ROBO2: variants seen among roughly 807,000 people sequenced by gnomAD.
The protein encoded by ROBO2 is roundabout homolog 2.
In ROBO2, 53 loss-of-function variants were observed where a neutral mutation model predicts 160.8. The ratio of observed to expected loss-of-function variants is 0.33; its 90% confidence interval spans 0.26 to 0.41. The LOEUF (loss-of-function observed/expected upper bound fraction) is 0.41, where lower values mean the gene tolerates loss of function less well. Among genes scored for constraint, ROBO2 ranks in the 10% least tolerant of loss-of-function variants. The pLI is 1.00. For synonymous variants in ROBO2, 664 were observed against 611.7 expected (o/e 1.09, Z -1.26); for missense variants, 1,577 against 1,722.4 (o/e 0.92, Z 1.49).
chr3:77,476,621 C>T (rs1429471263), intron 2 of ROBO2, among the ~76,000 whole-genome samples: 1 of 152,102 alleles, frequency 6.6e-6, no homozygotes, highest in Non-Finnish European at 1.5e-5. Flanking sequence ...GCCATCTCTC[C>T]AGGCTTTTCA....
chr3:77,207,798 T>G (rs2151071225), intron 2 of ROBO2, among the ~76,000 whole-genome samples: 1 of 152,332 alleles, frequency 6.6e-6, no homozygotes, highest in African/African-American at 2.4e-5. Context: ...TCACTGCATC[T>G]GAGTTTAAAC....
At chr3:77,325,723 G>T (rs574780742) in intron 2 of ROBO2, among the ~76,000 whole-genome samples, 1 of 152,208 alleles carries the variant, frequency 6.6e-6, no homozygotes, top group African/African-American at 2.4e-5. Context: ...TTAAAATTTG[G>T]TTCACATAAA....
intron 2 of ROBO2, among the ~76,000 whole-genome samples, chr3:76,910,735 AAAAAAAAAAG>A (rs1009459238): frequency 3.4e-5 from 5 of 148,772 alleles, no homozygotes; most frequent in African/African-American, 9.9e-5. Flanking sequence ...CAAAAAAAAA[AAAAAAAAAAG>A]AAAAAAAAAG....
At chr3:77,316,519 AC>A (rs1300165943) in intron 2 of ROBO2, among the ~76,000 whole-genome samples, 1 of 152,118 alleles carries the variant, frequency 6.6e-6, no homozygotes, top group Non-Finnish European at 1.5e-5. Flanking sequence ...TTGGCATCTC[AC>A]AGGGGCTACC....
intron 2 of ROBO2, among the ~76,000 whole-genome samples, chr3:76,419,662 A>C (rs947510552): frequency 6.6e-6 from 1 of 152,116 alleles, no homozygotes; most frequent in African/African-American, 2.4e-5. Context: ...AGAGATGTAC[A>C]TTGTCGTGTT....
At position 76,573,154 on chromosome 3, in the gene ROBO2, T is replaced by C. The variant is rs80237972; in HGVS notation, c.110-524860T>C. Among the ~76,000 whole-genome samples the C allele has an allele frequency of 4.3e-3, 658 of 152,254 alleles. 2 individuals carry two copies. The highest frequency in any genetic ancestry group is 8.1e-3 in the Non-Finnish European group (554 of 67,992). ...TTGCTTTTGTGTAGCGAAAAGGGCA[T>C]GGATTTGAGGTCAAATAGATCTGGA... On this transcript the variant is annotated intron_variant, in intron 2 of 26. Transcript: ENST00000487694.
At chr3:77,022,857 A>C (rs961521612) in intron 2 of ROBO2, among the ~76,000 whole-genome samples, 1 of 152,108 alleles carries the variant, frequency 6.6e-6, no homozygotes, top group African/African-American at 2.4e-5. Context: ...AAGAATATTC[A>C]CGTTGTTGTG....
intron 2 of ROBO2, among the ~76,000 whole-genome samples, chr3:76,358,296 G>C (rs1373656782): frequency 1.3e-5 from 2 of 151,864 alleles, no homozygotes; most frequent in East Asian, 3.9e-4. Context: ...TTTCTTACCT[G>C]GTCTTCCATT....
At chr3:76,969,239 G>A (rs1033062312) in intron 2 of ROBO2, among the ~76,000 whole-genome samples, 9 of 152,118 alleles carry the variant, frequency 5.9e-5, no homozygotes, top group African/African-American at 2.2e-4. Context: ...TATAAAAAAA[G>A]TTAAAAGATT....
At chr3:76,365,698 T>C (rs772014839) in intron 2 of ROBO2, among the ~76,000 whole-genome samples, 2 of 152,106 alleles carry the variant, frequency 1.3e-5, no homozygotes, top group Non-Finnish European at 2.9e-5. Flanking sequence ...ATTAGATCCA[T>C]AAAATGTATT....
At chr3:76,127,259 C>T (rs992032965) in intron 2 of ROBO2, among the ~76,000 whole-genome samples, 1 of 152,102 alleles carries the variant, frequency 6.6e-6, no homozygotes, top group Non-Finnish European at 1.5e-5. Flanking sequence ...CTTCTAGAAG[C>T]TGGAAAATTT....
At chr3:76,673,101 G>T (rs1562765) in intron 2 of ROBO2, among the ~76,000 whole-genome samples, 60,119 of 151,914 alleles carry the variant, frequency 0.4, 12,132 homozygotes, top group East Asian at 0.53. Context: ...CTTCTGGTAA[G>T]CTTGTCTGTG....
intron 2 of ROBO2, among the ~76,000 whole-genome samples, chr3:76,088,069 GTAGCTA>G (rs2069090094): frequency 6.6e-6 from 1 of 152,010 alleles, no homozygotes. Flanking sequence ...AGAAAGCAGA[GTAGCTA>G]TATCAATTTC....
intron 2 of ROBO2, among the ~76,000 whole-genome samples, chr3:76,578,205 G>T (rs2085433319): frequency 1.3e-5 from 2 of 152,096 alleles, no homozygotes; most frequent in African/African-American, 2.4e-5. Context: ...ATCTTCATGG[G>T]TGAACACCTG....
At chr3:76,586,412 T>C (rs967871335) in intron 2 of ROBO2, among the ~76,000 whole-genome samples, 2 of 152,236 alleles carry the variant, frequency 1.3e-5, no homozygotes, top group African/African-American at 4.8e-5. Context: ...GCAGGTGGGT[T>C]TTCAGAAATT....
intron 4 of ROBO2, among the ~76,000 whole-genome samples, chr3:77,492,489 A>T (rs2086250736): frequency 6.6e-6 from 1 of 152,192 alleles, no homozygotes; most frequent in Non-Finnish European, 1.5e-5. Flanking sequence ...GATTAATAAA[A>T]GAAGAAAGGA....
chr3:77,595,902 A>G (rs746747928), intron 18 of ROBO2, among the ~76,000 whole-genome samples: 3 of 152,088 alleles, frequency 2.0e-5, no homozygotes, highest in Non-Finnish European at 2.9e-5. Context: ...TAGATGTTCT[A>G]TTTCTGTGTA....
intron 2 of ROBO2, among the ~76,000 whole-genome samples, chr3:76,049,403 A>ATATATT (rs1414664360): frequency 1.9e-5 from 1 of 53,762 alleles, no homozygotes; most frequent in East Asian, 6.3e-4. Context: ...ATATATATAT[A>ATATATT]TTTTTTTTTT....
intron 2 of ROBO2, among the ~76,000 whole-genome samples, chr3:76,142,548 A>G (rs2071712553): frequency 6.6e-6 from 1 of 152,028 alleles, no homozygotes; most frequent in African/African-American, 2.4e-5. Context: ...GTCAAGTGAA[A>G]AAAGCCAGGC....
Sources: gnomAD v4.1 joint callset for allele counts (sites outside exome capture counted in the v4.1 genomes callset) on GRCh38, gnomAD v4.1.1 for gene constraint, MANE v1.5 for transcripts, NCBI Gene and HGNC (gene_info 2026-07-23, HGNC 2026-07-21) for gene names.